The following IRAG1 variants were observed in gnomAD, a reference collection of about 807,000 sequenced individuals.
IRAG1 encodes IP3R-associated cGMP kinase substrate.
In IRAG1, 62 loss-of-function variants were observed where a neutral mutation model predicts 106.2. The observed-to-expected ratio is 0.58, with a 90% CI of 0.48 to 0.72. IRAG1 has a LOEUF of 0.72. IRAG1 is among the 30% of genes least tolerant of loss of function. IRAG1 has a pLI of 0.00. For synonymous variants in IRAG1, 462 were observed against 443.9 expected (o/e 1.04, Z -0.51); for missense variants, 1,064 against 1,140.7 (o/e 0.93, Z 0.97).
chr11:10,585,163 ATAAGTGACTG>A (rs1851820475), intron 18 of IRAG1, among the ~76,000 whole-genome samples: 1 of 152,200 alleles, frequency 6.6e-6, no homozygotes, highest in Non-Finnish European at 1.5e-5. Flanking sequence ...AATTTTGCAG[ATAAGTGACTG>A]TAAACAAAGC....
chr11:10,646,842 A>G (rs78872179), intron 2 of IRAG1, among the ~76,000 whole-genome samples: 3,106 of 152,192 alleles, frequency 0.02, 46 homozygotes, highest in African/African-American at 0.031. Flanking sequence ...TGTTTCTAGG[A>G]GTTAATGTGC....
At chr11:10,591,876 C>G (rs189101953) in intron 17 of IRAG1, among the ~76,000 whole-genome samples, 53 of 152,308 alleles carry the variant, frequency 3.5e-4, no homozygotes, top group African/African-American at 1.3e-3. Flanking sequence ...AAGTTTACAT[C>G]TTGAGGCTCC....
At chr11:10,618,649 T>C (rs1352241946) in intron 10 of IRAG1, among the ~76,000 whole-genome samples, 60 of 152,008 alleles carry the variant, frequency 3.9e-4, no homozygotes, top group Non-Finnish European at 4.4e-5. Context: ...AAAGATTGAG[T>C]TGGGAGTTCA....
chr11:10,621,891 T>G (rs1341440336), intron 10 of IRAG1, among the ~76,000 whole-genome samples: 1 of 152,112 alleles, frequency 6.6e-6, no homozygotes, highest in Non-Finnish European at 1.5e-5. Context: ...CTAGGAGGGA[T>G]CTAGAAGAGT....
At chr11:10,672,135 C>G (rs543363881) in intron 1 of IRAG1, among the ~76,000 whole-genome samples, 1 of 152,258 alleles carries the variant, frequency 6.6e-6, no homozygotes, top group South Asian at 2.1e-4. Context: ...TCTGGAACAA[C>G]GGGATAACCA....
rs1850704001 is a variant in IRAG1 at position 10,573,965 on chromosome 11, A to C, written c.*2367T>G. 6.6e-6 allele frequency: 1 copy of C among 152,402 alleles called. No homozygotes were observed. The highest frequency in any genetic ancestry group is 1.5e-5 in the Non-Finnish European group (1 of 68,184). The allele number at this position is 152,402 out of a possible 1,614,324, so 9.4% of individuals were successfully genotyped here. A position where few individuals can be genotyped will look rare whatever the true frequency, so the allele number is the denominator to read the frequency against. On this transcript the variant is annotated 3_prime_UTR_variant, in exon 21 of 21. Transcript: ENST00000423302. Reference sequence around the variant, plus strand: ...GCAAATCATCCACTTCTGCCCCCAGAGTCCCTCTGCCCTGCTCTGTAACTC... The same window carrying C: ...GCAAATCATCCACTTCTGCCCCCAGCGTCCCTCTGCCCTGCTCTGTAACTC...
At position 10,625,998 on chromosome 11, in the gene IRAG1, C is replaced by A; in HGVS notation, c.1336G>T (p.Val446Leu). The change falls in exon 9 of 21, where the codon GTG becomes TTG. Residue 446 changes from valine to leucine, a missense_variant. Transcript: ENST00000423302. ...AGCTTGGTCAGTTTCTGCATCCGCA[C>A]GGGCTGCACTTGTATCTGAAAGTCT... ...LKDFQIQVQP[V>L]RMQKLTKLRE... 2.7e-6 allele frequency: 4 copies of A among 1,495,440 alleles called. No individual in the cohort carries two copies. The highest frequency in any genetic ancestry group is 3.6e-6 in the Non-Finnish European group (4 of 1,122,412). The allele number at this position is 1,495,440 out of a possible 1,614,324, so 92.6% of individuals were successfully genotyped here.
rs1053708378 is a variant in IRAG1 at position 10,627,719 on chromosome 11, C to T, written c.747G>A (p.Glu249=). The T allele has an allele frequency of 6.2e-7, 1 of 1,614,026 alleles. No individual in the cohort carries two copies. Among genetic ancestry groups the T allele is most frequent in the Non-Finnish European group, 8.5e-7 (1 of 1,179,902 alleles). The change falls in exon 8 of 21, where the codon GAG becomes GAA. Residue 249 remains glutamate, a synonymous_variant. Coordinates refer to ENST00000423302, the MANE Select transcript of IRAG1 (RefSeq NM_130385.4). ...AGGGAGCAAAGCTCAAACTCACAGGCTCGCCAGGGTGAGGTGAAGAGACGT... is the reference window on the plus strand; with the variant it reads ...AGGGAGCAAAGCTCAAACTCACAGGTTCGCCAGGGTGAGGTGAAGAGACGT... The part of the protein sequence containing the change: ...EADVSSPHPG[E]PNVPKGLADR...
rs1044590827 is a variant in IRAG1 at position 10,665,923 on chromosome 11, G to A, written c.68-13741C>T. 1.3e-5 allele frequency among the ~76,000 whole-genome samples: 2 copies of A among 152,204 alleles called. No individual in the cohort carries two copies. Among genetic ancestry groups the A allele is most frequent in the African/African-American group, 4.8e-5 (2 of 41,438 alleles). ...AGCTGAGTCTTTAGACCCAAGTTGAGAACAGGTTATGGTGAACAGTGATAT... is the reference window on the plus strand; with the variant it reads ...AGCTGAGTCTTTAGACCCAAGTTGAAAACAGGTTATGGTGAACAGTGATAT... On this transcript the variant is annotated intron_variant, in intron 1 of 20. Transcript: ENST00000423302. The surrounding 1 kb of genome is among the most constrained non-coding windows in gnomAD (Gnocchi z 4.2).
chr11:10,690,272 C>T, intron 1 of IRAG1: 1 of 596,848 alleles, frequency 1.7e-6, no homozygotes, highest in Non-Finnish European at 2.6e-6. Flanking sequence ...CACCTGTAAT[C>T]CCAGCTACTT....
Position 10,604,434 on chromosome 11 carries a change from CT to C in IRAG1, c.1713del (p.Glu572AsnfsTer49). On this transcript the variant is annotated frameshift_variant, in exon 13 of 21. Transcript: ENST00000423302. LOFTEE classifies it high-confidence loss of function. ...ERNLTEENTE[K>X]ELENFKASIT... ...ATGGAAGCTTTGAAGTTTTCCAGTTCTTTCTCAGTGTTCTCCTCTGTCAGGT... is the reference window on the plus strand; with the variant it reads ...ATGGAAGCTTTGAAGTTTTCCAGTTCTTCTCAGTGTTCTCCTCTGTCAGGT... 1.2e-6 allele frequency: 2 copies of C among 1,614,048 alleles called. No individual in the cohort carries two copies. The highest frequency in any genetic ancestry group is 1.7e-6 in the Non-Finnish European group (2 of 1,179,902).
At chr11:10,636,318 G>A (rs901134973) in intron 2 of IRAG1, among the ~76,000 whole-genome samples, 1 of 152,166 alleles carries the variant, frequency 6.6e-6, no homozygotes, top group Admixed American at 6.5e-5. Flanking sequence ...GGGACTACAG[G>A]TGTGCACCAC....
intron 1 of IRAG1, among the ~76,000 whole-genome samples, chr11:10,672,095 A>G (rs1374597047): frequency 6.6e-6 from 1 of 152,226 alleles, no homozygotes; most frequent in Non-Finnish European, 1.5e-5. Context: ...AGACAATTCG[A>G]TGGGGAAAGA....
At chr11:10,593,794 T>TGAAC in intron 16 of IRAG1, 195 bp from the exon 17 acceptor site, 4 of 586,408 alleles carry the variant, frequency 6.8e-6, no homozygotes, top group Non-Finnish European at 1.2e-5. Flanking sequence ...TGTTGGTGAG[T>TGAAC]GAACGCTCAA....
At chr11:10,617,128 T>C (rs1855496792) in intron 10 of IRAG1, 2 of 985,306 alleles carry the variant, frequency 2.0e-6, no homozygotes, top group Non-Finnish European at 2.4e-6. Flanking sequence ...GTCCATTCGA[T>C]GTACTTCTCT....
intron 18 of IRAG1, among the ~76,000 whole-genome samples, chr11:10,586,895 G>A (rs533497378): frequency 6.6e-6 from 1 of 152,214 alleles, no homozygotes; most frequent in Non-Finnish European, 1.5e-5. Flanking sequence ...AGTTGCATCG[G>A]TTTCACTATG....
At chr11:10,603,307 C>T (rs1854188114) in intron 13 of IRAG1, 56 bp from the exon 14 acceptor site, 1 of 1,587,160 alleles carries the variant, frequency 6.3e-7, no homozygotes, top group Non-Finnish European at 8.6e-7. Flanking sequence ...TGGACTAAAT[C>T]AGCAGTCCCC....
chr11:10,573,956 T>G lies in IRAG1; in HGVS notation c.*2376A>C, dbSNP rs1850703432. The G allele has an allele frequency of 6.6e-6, 1 of 152,432 alleles. No homozygotes were observed. Among genetic ancestry groups the G allele is most frequent in the Non-Finnish European group, 1.5e-5 (1 of 68,208 alleles). The allele number at this position is 152,432 out of a possible 1,614,324, so 9.4% of individuals were successfully genotyped here. A position where few individuals can be genotyped will look rare whatever the true frequency, so the allele number is the denominator to read the frequency against. ...AGAGGCCGGGCAAATCATCCACTTCTGCCCCCAGAGTCCCTCTGCCCTGCT... is the reference window on the plus strand; with the variant it reads ...AGAGGCCGGGCAAATCATCCACTTCGGCCCCCAGAGTCCCTCTGCCCTGCT... On this transcript the variant is annotated 3_prime_UTR_variant, in exon 21 of 21. Coordinates refer to ENST00000423302, the MANE Select transcript of IRAG1 (RefSeq NM_130385.4).
chr11:10,660,312 TTAC>T (rs1424136782), intron 1 of IRAG1, among the ~76,000 whole-genome samples: 4 of 152,244 alleles, frequency 2.6e-5, no homozygotes, highest in African/African-American at 7.2e-5. Flanking sequence ...TTTAATTATT[TTAC>T]TACATTTTAC....
Sources: allele counts gnomAD v4.1 joint callset (sites outside exome capture counted in the v4.1 genomes callset), GRCh38; gene constraint gnomAD v4.1.1; non-coding constraint Gnocchi (gnomAD v3.1); transcripts MANE v1.5; gene names NCBI Gene and HGNC (gene_info 2026-07-23, HGNC 2026-07-21).